Variants in MME observed in about 807,000 individuals in gnomAD.
MME encodes the protein membrane metalloendopeptidase, also known as neprilysin.
A neutral mutation model predicts 113.2 loss-of-function variants in MME; 98 were observed. The observed-to-expected ratio is 0.87, with a 90% CI of 0.74 to 1.02. MME has a LOEUF of 1.02. MME is among the 50% of genes least tolerant of loss of function. The pLI is 0.00. For synonymous variants in MME, 292 were observed against 300.6 expected (o/e 0.97, Z 0.30); for missense variants, 836 against 896.0 (o/e 0.93, Z 0.86).
At chr3:155,105,741 A>G (rs541656699) in intron 3 of MME, among the ~76,000 whole-genome samples, 66 of 152,208 alleles carry the variant, frequency 4.3e-4, no homozygotes, top group Non-Finnish European at 7.9e-4. Context: ...TAGTTACCAT[A>G]CAAGGTTAAA....
At chr3:155,030,514 C>T (rs559314125) in intron 1 of MME, among the ~76,000 whole-genome samples, 45 of 151,472 alleles carry the variant, frequency 3.0e-4, no homozygotes, top group Middle Eastern at 3.4e-3. Context: ...TAGATAGCTC[C>T]GAAAAGAAAC....
At chr3:155,140,157 A>G in intron 9 of MME, 34 bp from the exon 10 acceptor site, 1 of 1,469,174 alleles carries the variant, frequency 6.8e-7, no homozygotes, top group Non-Finnish European at 9.4e-7. Flanking sequence ...AGAATTCTTA[A>G]TTCTAAAATA....
At position 155,056,088 on chromosome 3, in the gene MME, GA is replaced by G. The variant is rs142352307; in HGVS notation, c.-10-28067del. Among the ~76,000 whole-genome samples, 1,339 of 152,048 alleles carry G rather than the reference GA, an allele frequency of 8.8e-3. 23 individuals carry two copies. Among genetic ancestry groups the G allele is most frequent in the African/African-American group, 0.031 (1,277 of 41,484 alleles). On this transcript the variant is annotated intron_variant, in intron 1 of 22. Coordinates refer to the MME transcript ENST00000492661. Reference sequence around the variant, plus strand: ...TTTAACTACAAATTGTTGGTTCATAGAAAGGGAAATTGAATTCTACCTGCAG... The same window carrying G: ...TTTAACTACAAATTGTTGGTTCATAGAAGGGAAATTGAATTCTACCTGCAG...
chr3:155,148,655 T>G lies in MME; in HGVS notation c.1601+2T>G, dbSNP rs1403042622. 1.3e-6 allele frequency: 2 copies of G among 1,599,674 alleles called. No homozygotes were observed. The highest frequency in any genetic ancestry group is 2.7e-5 in the African/African-American group (2 of 74,534). ...CCGAGAAAAGGTGGACAAAGATGAG[T>G]GCGTATATTCTCATTTCTAATGTGA... On this transcript the variant is annotated splice_donor_variant, in intron 16 of 22. Coordinates refer to ENST00000360490, the MANE Select transcript of MME (RefSeq NM_007289.4). LOFTEE classifies it high-confidence loss of function.
chr3:155,134,673 C>A (rs1409422738), intron 8 of MME, among the ~76,000 whole-genome samples: 5 of 152,050 alleles, frequency 3.3e-5, no homozygotes, highest in African/African-American at 9.7e-5. Context: ...ATTTCTGGGT[C>A]AAATGGTAGT....
intron 1 of MME, among the ~76,000 whole-genome samples, chr3:155,069,222 G>T (rs1347242868): frequency 6.6e-6 from 1 of 152,172 alleles, no homozygotes; most frequent in Non-Finnish European, 1.5e-5. Context: ...GAAAGAGAGA[G>T]ATGAAAAGAG....
intron 16 of MME, among the ~76,000 whole-genome samples, chr3:155,156,730 C>A (rs1372350276): frequency 6.6e-6 from 1 of 152,018 alleles, no homozygotes; most frequent in Non-Finnish European, 1.5e-5. Context: ...TCCACCCAGG[C>A]GACTGGAGGA....
chr3:155,173,868 T>G (rs1712233917), intron 22 of MME, among the ~76,000 whole-genome samples: 1 of 152,096 alleles, frequency 6.6e-6, no homozygotes, highest in Non-Finnish European at 1.5e-5. Flanking sequence ...GTTCCAACCA[T>G]GGCTTCACCA....
chr3:155,069,663 C>G (rs77716208), intron 1 of MME, among the ~76,000 whole-genome samples: 6,958 of 152,148 alleles, frequency 0.046, 202 homozygotes, highest in Non-Finnish European at 0.073. Context: ...TATGGAGAAC[C>G]CTTCTTATTT....
At chr3:155,095,045 G>A (rs1312065667) in intron 3 of MME, among the ~76,000 whole-genome samples, 2 of 152,184 alleles carry the variant, frequency 1.3e-5, no homozygotes, top group Non-Finnish European at 2.9e-5. Flanking sequence ...AGGTTGAGAA[G>A]CACTGAGGAA....
chr3:155,147,165 A>T lies in MME; in HGVS notation c.1438A>T (p.Ile480Phe), dbSNP rs2108322777. ...ATAGGCCTTAGCAATTAAAGAAAGG[A>T]TCGGCTATCCTGATGACATTGTTTC... is the stretch of plus-strand genomic sequence containing the variant. ...EEKALAIKER[I>F]GYPDDIVSND... The change falls in exon 15 of 23, where the codon ATC becomes TTC. Residue 480 changes from isoleucine (I) to phenylalanine (F), a missense_variant. Ile to Phe is a conservative substitution (Grantham distance 21). Coordinates refer to ENST00000360490, the MANE Select transcript of MME (RefSeq NM_007289.4). 1 of 1,606,082 alleles carries T rather than the reference A, an allele frequency of 6.2e-7. No individual in the cohort carries two copies. Among genetic ancestry groups the T allele is most frequent in the East Asian group, 2.2e-5 (1 of 44,762 alleles).
At chr3:155,105,083 C>T (rs1401809784) in intron 3 of MME, among the ~76,000 whole-genome samples, 1 of 152,076 alleles carries the variant, frequency 6.6e-6, no homozygotes, top group East Asian at 1.9e-4. Context: ...ATTGCCAGTC[C>T]TCCCTTGGCT....
intron 1 of MME, among the ~76,000 whole-genome samples, chr3:155,060,854 A>AGAGT (rs1374212769): frequency 1.9e-3 from 286 of 151,560 alleles, no homozygotes; most frequent in African/African-American, 6.7e-3. Flanking sequence ...AGAGAGAGAG[A>AGAGT]GAGAGTGAGA....
chr3:155,037,978 G>A lies in MME; in HGVS notation c.-11+13654G>A, dbSNP rs141565719. Among the ~76,000 whole-genome samples, 655 of 152,204 alleles carry A rather than the reference G, an allele frequency of 4.3e-3. 1 individual carries two copies. The highest frequency in any genetic ancestry group is 5.8e-3 in the Non-Finnish European group (395 of 68,002). ...AGCTGTGGGTAGGAAGGGGAGAGATGAAGTCAGGTATGTGTAATGAAACAG... is the reference window on the plus strand; with the variant it reads ...AGCTGTGGGTAGGAAGGGGAGAGATAAAGTCAGGTATGTGTAATGAAACAG... On this transcript the variant is annotated intron_variant, in intron 1 of 22. Transcript: ENST00000492661.
Position 155,116,080 on chromosome 3 carries a change from A to G in MME, c.359-399A>G, listed in dbSNP as rs146790366. Among the ~76,000 whole-genome samples, 3 of 152,234 alleles carry G rather than the reference A, an allele frequency of 2.0e-5. No individual in the cohort carries two copies. The East Asian group carries it at 5.8e-4, about 29-fold the overall frequency. On this transcript the variant is annotated intron_variant, in intron 4 of 22. Coordinates refer to ENST00000360490, the MANE Select transcript of MME (RefSeq NM_007289.4). ...ACACAAAGATAATTATTTTCCAGCC[A>G]TCAAAAAGACTATTCATACTAAATT...
intron 3 of MME, among the ~76,000 whole-genome samples, chr3:155,098,988 C>T (rs897664528): frequency 4.0e-5 from 6 of 151,882 alleles, no homozygotes; most frequent in Admixed American, 6.5e-5. Flanking sequence ...GTAGGTGAGG[C>T]GGGGATGGTT....
chr3:155,113,541 C>T (rs1365426822), intron 3 of MME, among the ~76,000 whole-genome samples: 1 of 152,078 alleles, frequency 6.6e-6, no homozygotes, highest in Non-Finnish European at 1.5e-5. Flanking sequence ...AGCCACTGTG[C>T]CCTGCCAAGC....
chr3:155,054,893 T>C (rs1713875482), intron 1 of MME, among the ~76,000 whole-genome samples: 1 of 152,190 alleles, frequency 6.6e-6, no homozygotes, highest in South Asian at 2.1e-4. Flanking sequence ...CATATCCAAA[T>C]GGCCAATTAA....
At chr3:155,070,190 T>C (rs184639122) in intron 1 of MME, among the ~76,000 whole-genome samples, 1 of 152,386 alleles carries the variant, frequency 6.6e-6, no homozygotes, top group East Asian at 1.9e-4. Flanking sequence ...TTTATTTCTT[T>C]AATTTTTCTG....
Sources: allele counts gnomAD v4.1 joint callset (sites outside exome capture counted in the v4.1 genomes callset), GRCh38; gene constraint gnomAD v4.1.1; transcripts MANE v1.5; gene names NCBI Gene and HGNC (gene_info 2026-07-23, HGNC 2026-07-21).